OTULIN: variants seen among roughly 807,000 people sequenced by gnomAD.
The protein encoded by OTULIN is OTU deubiquitinase with linear linkage specificity.
OTULIN carries 15 observed loss-of-function variants against 39.6 expected under a neutral mutation model. The ratio of observed to expected loss-of-function variants is 0.38; its 90% CI spans 0.25 to 0.58. The LOEUF (loss-of-function observed/expected upper bound fraction) is 0.58. OTULIN is among the 20% of genes least tolerant of loss of function. The pLI is 0.66. For synonymous variants in OTULIN, 156 were observed against 170.3 expected (o/e 0.92, Z 0.65); for missense variants, 319 against 445.9 (o/e 0.72, Z 2.56).
intron 1 of OTULIN, among the ~76,000 whole-genome samples, chr5:14,666,610 GC>G (rs1735853590): frequency 1.3e-5 from 2 of 152,158 alleles, no homozygotes; most frequent in South Asian, 4.1e-4. Flanking sequence ...TCCCAAGTTT[GC>G]TTCCCAGTAG....
chr5:14,677,224 T>G (rs1468417236), intron 2 of OTULIN, among the ~76,000 whole-genome samples: 2 of 152,212 alleles, frequency 1.3e-5, no homozygotes, highest in Non-Finnish European at 2.9e-5. Context: ...CCCTGGTTTA[T>G]AAGTGCTTGT....
At chr5:14,712,889 A>T in the OTULIN span, 1 of 1,611,514 alleles carries the variant, frequency 6.2e-7, no homozygotes, top group Non-Finnish European at 8.5e-7. Context: ...TCCGGTAGAC[A>T]TAGCACGCAG....
At position 14,681,611 on chromosome 5, in the gene OTULIN, C is replaced by T. The variant is rs367819985; in HGVS notation, c.468+4C>T. 2.3e-5 allele frequency: 37 copies of T among 1,600,476 alleles called. No individual in the cohort carries two copies. The highest frequency in any genetic ancestry group is 2.9e-5 in the Non-Finnish European group (34 of 1,176,506). On this transcript the variant is annotated splice_donor_region_variant and intron_variant, in intron 4 of 6. Coordinates refer to ENST00000284274, the MANE Select transcript of OTULIN (RefSeq NM_138348.6). ...GCAGGACCCGGAGCTCATGCTGGTA[C>T]GCTGCTGCTGCAGGTTTGAGTCCAA... is the stretch of plus-strand genomic sequence containing the variant.
At chr5:14,665,746 G>T (rs1275336971) in intron 1 of OTULIN, among the ~76,000 whole-genome samples, 1 of 152,098 alleles carries the variant, frequency 6.6e-6, no homozygotes, top group Non-Finnish European at 1.5e-5. Context: ...AATTTAAGAT[G>T]TGTTTAAATG....
chr5:14,677,196 A>G (rs992737), intron 2 of OTULIN, among the ~76,000 whole-genome samples: 23,901 of 152,112 alleles, frequency 0.16, 2,459 homozygotes, highest in Non-Finnish European at 0.22. Flanking sequence ...GCTCCTAATC[A>G]TCCTGGCACC....
In OTULIN at chr5:14,690,106, A is replaced by T. The variant is rs769766776; in HGVS notation, c.662A>T (p.Asn221Ile). ...RQIACDELFTNEAEEYSLYEA... is the reference protein window; with the variant it reads ...RQIACDELFTIEAEEYSLYEA... Reference sequence around the variant, plus strand: ...ATAGCTTGTGATGAACTATTCACAAATGAGGCGGAGGAATATAGCCTCTAT... The same window carrying T: ...ATAGCTTGTGATGAACTATTCACAATTGAGGCGGAGGAATATAGCCTCTAT... The change falls in exon 6 of 7, where the codon AAT (asparagine) becomes ATT (isoleucine). Residue 221 changes from asparagine (N) to isoleucine (I), a missense_variant. Coordinates refer to ENST00000284274, the MANE Select transcript of OTULIN (RefSeq NM_138348.6). This position sits in a 1 kb window ranked among gnomAD's most constrained non-coding sequence, Gnocchi z 4.5. The T allele has an allele frequency of 6.2e-7, 1 of 1,614,114 alleles. No individual in the cohort carries two copies. Among genetic ancestry groups the T allele is most frequent in the African/African-American group, 1.3e-5 (1 of 74,946 alleles).
At chr5:14,713,760 G>C in the OTULIN span, 1 of 1,574,802 alleles carries the variant, frequency 6.3e-7, no homozygotes, top group Non-Finnish European at 8.7e-7. This position sits in a 1 kb window ranked among gnomAD's most constrained non-coding sequence, Gnocchi z 4.4. Flanking sequence ...CGAGAGCCAG[G>C]GGCTGCCTAG....
intron 2 of OTULIN, among the ~76,000 whole-genome samples, chr5:14,676,606 C>G (rs1736111412): frequency 6.6e-6 from 1 of 152,244 alleles, no homozygotes; most frequent in Non-Finnish European, 1.5e-5. Flanking sequence ...TCATGGGGTG[C>G]TGGGCTTGCC....
At chr5:14,689,385 T>C (rs959844301) in intron 5 of OTULIN, among the ~76,000 whole-genome samples, 14 of 152,226 alleles carry the variant, frequency 9.2e-5, no homozygotes, top group African/African-American at 3.4e-4. Context: ...TATGTTGGCG[T>C]CTCTTATTCT....
chr5:14,668,340 C>T (rs925099054), intron 1 of OTULIN, among the ~76,000 whole-genome samples: 13 of 152,202 alleles, frequency 8.5e-5, no homozygotes, highest in African/African-American at 2.7e-4. Flanking sequence ...GCATTGACCC[C>T]GGATACCTCT....
At chr5:14,712,780 G>A in the OTULIN span, 12 of 1,275,272 alleles carry the variant, frequency 9.4e-6, no homozygotes, top group East Asian at 7.6e-5. Context: ...CCCCACTGAC[G>A]AACGCCACCA....
intron 1 of OTULIN, among the ~76,000 whole-genome samples, chr5:14,666,497 G>A (rs922544859): frequency 6.6e-6 from 1 of 152,160 alleles, no homozygotes; most frequent in Non-Finnish European, 1.5e-5. Context: ...TGCATCAATG[G>A]GAACCTCCCC....
downstream of OTULIN, among the ~76,000 whole-genome samples, chr5:14,704,069 C>T (rs1177815824): frequency 6.6e-6 from 1 of 152,026 alleles, no homozygotes; most frequent in African/African-American, 2.4e-5. Context: ...TGGTGGCTCA[C>T]GCCTGTAATC....
downstream of OTULIN, among the ~76,000 whole-genome samples, chr5:14,703,032 G>T (rs1340389804): frequency 2.0e-5 from 3 of 152,152 alleles, no homozygotes; most frequent in African/African-American, 7.2e-5. Context: ...TGGTGGTGCA[G>T]TAGTTTAGAA....
chr5:14,670,834 G>A (rs185358120), intron 1 of OTULIN, among the ~76,000 whole-genome samples: 200 of 151,858 alleles, frequency 1.3e-3, no homozygotes, highest in Middle Eastern at 3.4e-3. Flanking sequence ...TGAACTCCTG[G>A]CTTTAAGCAG....
At chr5:14,686,569 A>G (rs577576351) in intron 4 of OTULIN, among the ~76,000 whole-genome samples, 2 of 152,248 alleles carry the variant, frequency 1.3e-5, no homozygotes, top group African/African-American at 2.4e-5. Context: ...TCCTCATAGG[A>G]TATTGTAGGA....
chr5:14,670,335 C>G (rs1310659502), intron 1 of OTULIN, among the ~76,000 whole-genome samples: 7 of 152,190 alleles, frequency 4.6e-5, no homozygotes, highest in Admixed American at 4.6e-4. Flanking sequence ...AGATTCCTGG[C>G]CTTTAGTATC....
At chr5:14,688,361 G>C (rs1736439391) in intron 5 of OTULIN, among the ~76,000 whole-genome samples, 1 of 151,972 alleles carries the variant, frequency 6.6e-6, no homozygotes, top group Non-Finnish European at 1.5e-5. Context: ...AGTAGAGAGG[G>C]GTCAAACATG....
intron 2 of OTULIN, among the ~76,000 whole-genome samples, chr5:14,676,880 A>G (rs1382055803): frequency 6.6e-6 from 1 of 151,984 alleles, no homozygotes; most frequent in Non-Finnish European, 1.5e-5. Context: ...GCAAAAAAAT[A>G]TTTCTCGAAT....
Sources: gnomAD v4.1 joint callset for allele counts (sites outside exome capture counted in the v4.1 genomes callset) on GRCh38, gnomAD v4.1.1 for gene constraint, Gnocchi (gnomAD v3.1) non-coding constraint, MANE v1.5 for transcripts, NCBI Gene and HGNC (gene_info 2026-07-23, HGNC 2026-07-21) for gene names.